C10orf90: variants seen among roughly 807,000 people sequenced by gnomAD.
C10orf90 encodes (E2-independent) E3 ubiquitin-conjugating enzyme FATS.
C10orf90 carries 56 observed loss-of-function variants against 62.5 expected under a neutral mutation model. That is an observed-to-expected ratio of 0.90 (90% confidence interval 0.72 to 1.12). C10orf90 has a LOEUF of 1.12. Ranked by LOEUF, C10orf90 falls within the 50% of genes most tolerant of loss-of-function variation. The probability of loss-of-function intolerance (pLI) is 0.00; values close to 1 mark genes in which losing one functional copy is unlikely to be tolerated. For missense variants in C10orf90, 970 were observed against 880.4 expected, an observed-to-expected ratio of 1.10 and a Z score of -1.29; for synonymous variants, 386 against 340.4, an observed-to-expected ratio of 1.13 and a Z score of -1.47.
intron 2 of C10orf90, among the ~76,000 whole-genome samples, chr10:126,611,261 T>C (rs768847828): frequency 2.8e-4 from 42 of 152,222 alleles, no homozygotes; most frequent in Non-Finnish European, 5.6e-4. Flanking sequence ...GTCCCTAGTG[T>C]CGGACTTCTT....
chr10:126,615,067 G>C (rs543112128), intron 2 of C10orf90, among the ~76,000 whole-genome samples: 1 of 152,290 alleles, frequency 6.6e-6, no homozygotes, highest in South Asian at 2.1e-4. Flanking sequence ...TGGGATGCTG[G>C]AGCTCTCTTA....
chr10:126,469,754 G>A, intron 4 of C10orf90: 1 of 401,722 alleles, frequency 2.5e-6, no homozygotes, highest in South Asian at 1.9e-5. Context: ...CCTCTCACCT[G>A]GGTTCTCTTC....
chr10:126,460,607 C>T (rs1382367687), intron 6 of C10orf90, among the ~76,000 whole-genome samples: 1 of 152,186 alleles, frequency 6.6e-6, no homozygotes, highest in East Asian at 1.9e-4. Context: ...AAGAGATAAC[C>T]CCTAGGAACA....
At chr10:126,646,522 G>T in intron 2 of C10orf90, 43 bp downstream of exon 2, 1 of 366,388 alleles carries the variant, frequency 2.7e-6, no homozygotes, top group Admixed American at 3.9e-5. Context: ...AGTAAATAAA[G>T]GCTTGAAAGG....
chr10:126,467,474 C>T (rs183061906), intron 4 of C10orf90, among the ~76,000 whole-genome samples: 1 of 152,316 alleles, frequency 6.6e-6, no homozygotes, highest in East Asian at 1.9e-4. Context: ...TCATGCCCAA[C>T]ATGCTAAACT....
Position 126,464,905 on chromosome 10 carries a change from T to C in C10orf90, c.1616A>G (p.Gln539Arg), listed in dbSNP as rs1860194072. ...GGGAAGGAAATGTCTAGTGGGCTTC[T>C]GTTCCACTGGAGGAGCAGACACAGT... ...CMTVSAPPVE[Q>R]KPTRHFLPIG... is the part of the protein sequence containing the mutation. The change falls in exon 5 of 10, where the codon CAG becomes CGG. Residue 539 changes from glutamine to arginine, a missense_variant. Transcript: ENST00000488181. 3.1e-6 allele frequency: 5 copies of C among 1,613,764 alleles called. No homozygotes were observed. Among genetic ancestry groups the C allele is most frequent in the Non-Finnish European group, 4.2e-6 (5 of 1,179,724 alleles).
At chr10:126,565,082 A>ATAATATT (rs1564873931) in intron 2 of C10orf90, among the ~76,000 whole-genome samples, 1 of 23,304 alleles carries the variant, frequency 4.3e-5, no homozygotes, top group Non-Finnish European at 8.1e-5. Context: ...TATAATATAT[A>ATAATATT]AAATATATAT....
In C10orf90 at chr10:126,467,813, G is replaced by A. The variant is rs544753381; in HGVS notation, c.1535-2827C>T. Among the ~76,000 whole-genome samples the A allele has an allele frequency of 5.9e-5, 9 of 152,116 alleles. No individual in the cohort carries two copies. The East Asian group carries it at 9.7e-4, about 16-fold the overall frequency. Reference sequence around the variant, plus strand: ...ACAGTTGTAAATTCCTTCTGTTATTGCAAAATCCATTATATTTACAATGTA... The same window carrying A: ...ACAGTTGTAAATTCCTTCTGTTATTACAAAATCCATTATATTTACAATGTA... On this transcript the variant is annotated intron_variant, in intron 4 of 9. Transcript: ENST00000488181.
rs1857471586 is a variant in C10orf90 at position 126,429,856 on chromosome 10, A to G, written c.2189-6T>C. ...TTTGGGTTTGAACAAGTTATCTGGA[A>G]AAAATAGAAAGAGAATTAAGTTCAG... On this transcript the variant is annotated splice_polypyrimidine_tract_variant and splice_region_variant and intron_variant, in intron 7 of 9. Transcript: ENST00000488181. The G allele has an allele frequency of 6.2e-7, 1 of 1,612,382 alleles. No homozygotes were observed. Among genetic ancestry groups the G allele is most frequent in the East Asian group, 2.2e-5 (1 of 44,866 alleles).
chr10:126,426,230 G>A (rs1857257151), intron 8 of C10orf90, 140 bp from the exon 9 acceptor site: 1 of 705,898 alleles, frequency 1.4e-6, no homozygotes, highest in Admixed American at 2.5e-5. Context: ...ACTGTAGGAT[G>A]CCAGGACGAA....
chr10:126,661,574 G>T (rs1846512985), intron 1 of C10orf90, among the ~76,000 whole-genome samples: 1 of 152,030 alleles, frequency 6.6e-6, no homozygotes, highest in African/African-American at 2.4e-5. Flanking sequence ...CCAATTCCCT[G>T]ATGGAAATTG....
intron 1 of C10orf90, among the ~76,000 whole-genome samples, chr10:126,654,509 T>C (rs1013086137): frequency 1.3e-5 from 2 of 152,218 alleles, no homozygotes; most frequent in African/African-American, 4.8e-5. Context: ...AGGCCTTGGC[T>C]TAGGGGAATG....
chr10:126,603,051 C>A (rs149784418), intron 2 of C10orf90, among the ~76,000 whole-genome samples: 1 of 150,154 alleles, frequency 6.7e-6, no homozygotes, highest in Non-Finnish European at 1.5e-5. Context: ...TGGACAGGTG[C>A]GGTGGGGGAG....
At chr10:126,592,852 A>C (rs1265939760) in intron 2 of C10orf90, among the ~76,000 whole-genome samples, 3 of 152,190 alleles carry the variant, frequency 2.0e-5, no homozygotes, top group Non-Finnish European at 2.9e-5. Context: ...AAAAAAGAAA[A>C]ACAACCCCAT....
intron 2 of C10orf90, among the ~76,000 whole-genome samples, chr10:126,578,049 A>G (rs1281134465): frequency 6.6e-6 from 1 of 152,222 alleles, no homozygotes; most frequent in Non-Finnish European, 1.5e-5. Context: ...GAGAAAAATT[A>G]AACAGCAACA....
At chr10:126,447,789 TAA>T (rs1001120842) in intron 7 of C10orf90, among the ~76,000 whole-genome samples, 1 of 152,060 alleles carries the variant, frequency 6.6e-6, no homozygotes, top group African/African-American at 2.4e-5. Flanking sequence ...GGCCAAAAAA[TAA>T]GTCTTAATAA....
intron 2 of C10orf90, among the ~76,000 whole-genome samples, chr10:126,567,252 C>T (rs1844412413): frequency 2.0e-5 from 3 of 152,172 alleles, no homozygotes; most frequent in Admixed American, 2.0e-4. Context: ...AGGAAACTTT[C>T]CTTCATAGTG....
chr10:126,554,845 A>G (rs550104011), intron 2 of C10orf90, among the ~76,000 whole-genome samples: 1 of 152,366 alleles, frequency 6.6e-6, no homozygotes, highest in South Asian at 2.1e-4. Context: ...GTATAGCACA[A>G]TCAAGCCAAC....
intron 2 of C10orf90, among the ~76,000 whole-genome samples, chr10:126,631,481 C>T (rs1845849509): frequency 6.6e-6 from 1 of 152,056 alleles, no homozygotes; most frequent in Non-Finnish European, 1.5e-5. Context: ...TTTTTGCTCT[C>T]TTATCTCTTT....
Sources: allele counts gnomAD v4.1 joint callset (sites outside exome capture counted in the v4.1 genomes callset), GRCh38; gene constraint gnomAD v4.1.1; transcripts MANE v1.5; gene names NCBI Gene and HGNC (gene_info 2026-07-23, HGNC 2026-07-21).